Variants in NDUFS4 observed in about 807,000 individuals in gnomAD.
NDUFS4 encodes the protein NADH:ubiquinone oxidoreductase subunit S4, also known as NADH dehydrogenase [ubiquinone] iron-sulfur protein 4, mitochondrial.
A neutral mutation model predicts 24.3 loss-of-function variants in NDUFS4; 28 were observed. That is an observed-to-expected ratio of 1.15 (90% confidence interval 0.85 to 1.58). NDUFS4 has a LOEUF of 1.58. Among genes scored for constraint, NDUFS4 ranks in the 40% most tolerant of loss-of-function variants. NDUFS4 has a pLI of 0.00. For synonymous variants in NDUFS4, 93 were observed against 69.7 expected (o/e 1.34, Z -1.67); for missense variants, 223 against 207.9 (o/e 1.07, Z -0.45).
intron 4 of NDUFS4, among the ~76,000 whole-genome samples, chr5:53,674,956 C>T (rs917603582): frequency 9.9e-5 from 15 of 151,948 alleles, no homozygotes; most frequent in Non-Finnish European, 1.5e-4. Flanking sequence ...TTTACCTACA[C>T]GATATGAACT....
intron 3 of NDUFS4, among the ~76,000 whole-genome samples, chr5:53,654,183 T>TA (rs34522855): frequency 0.018 from 2,692 of 152,026 alleles, 35 homozygotes; most frequent in Middle Eastern, 0.034. Context: ...TACCAATAAT[T>TA]AAAAAAAATC....
chr5:53,638,031 G>A (rs901963969), intron 2 of NDUFS4, among the ~76,000 whole-genome samples: 9 of 152,034 alleles, frequency 5.9e-5, no homozygotes, highest in Non-Finnish European at 1.3e-4. Context: ...TGATGCAGTT[G>A]GCAAGGAAGT....
chr5:53,668,515 A>G (rs1375517150), intron 4 of NDUFS4, among the ~76,000 whole-genome samples: 1 of 151,738 alleles, frequency 6.6e-6, no homozygotes, highest in Admixed American at 6.6e-5. Context: ...CTGGAGTGCA[A>G]TGGCATGATC....
intron 2 of NDUFS4, among the ~76,000 whole-genome samples, chr5:53,640,966 C>A (rs1041132686): frequency 1.3e-5 from 2 of 152,018 alleles, no homozygotes; most frequent in African/African-American, 4.8e-5. Flanking sequence ...TTACAAACTT[C>A]CCTGAGAGCT....
intron 3 of NDUFS4, among the ~76,000 whole-genome samples, chr5:53,649,549 T>C (rs1424140677): frequency 6.6e-6 from 1 of 152,226 alleles, no homozygotes; most frequent in East Asian, 1.9e-4. Flanking sequence ...TTCTTTTTTA[T>C]TGCTGCGTAG....
At chr5:53,580,686 GTCCT>G (rs1561339859) in intron 1 of NDUFS4, among the ~76,000 whole-genome samples, 1 of 141,774 alleles carries the variant, frequency 7.1e-6, no homozygotes, top group East Asian at 2.0e-4. Context: ...TTTCTCTTTC[GTCCT>G]TCCTTTCCTT....
chr5:53,608,370 T>C (rs1394922089), intron 2 of NDUFS4, among the ~76,000 whole-genome samples: 1 of 152,162 alleles, frequency 6.6e-6, no homozygotes, highest in East Asian at 1.9e-4. Context: ...AAGACAACAG[T>C]GAACTCTGAC....
chr5:53,665,614 A>T (rs1436590967), intron 4 of NDUFS4, among the ~76,000 whole-genome samples: 1 of 152,140 alleles, frequency 6.6e-6, no homozygotes, highest in Non-Finnish European at 1.5e-5. Flanking sequence ...TGGGCATAGG[A>T]CCCTCCGAGC....
intron 4 of NDUFS4, among the ~76,000 whole-genome samples, chr5:53,661,922 T>C (rs1357095370): frequency 4.0e-5 from 6 of 151,476 alleles, no homozygotes; most frequent in South Asian, 2.1e-4. Context: ...TTTCTAGATA[T>C]ACAACCATGT....
chr5:53,614,202 A>G (rs1750779135), intron 2 of NDUFS4, among the ~76,000 whole-genome samples: 1 of 151,894 alleles, frequency 6.6e-6, no homozygotes, highest in Non-Finnish European at 1.5e-5. Flanking sequence ...ATTATTTTTC[A>G]AATGTAATTA....
In NDUFS4 at chr5:53,651,812, C is replaced by T. The variant is rs1308661872; in HGVS notation, c.350+5407C>T. Among the ~76,000 whole-genome samples the T allele has an allele frequency of 2.8e-5, 4 of 144,054 alleles. No homozygotes were observed. The East Asian group carries it at 6.0e-4, about 22-fold the overall frequency. 94.5% of individuals were successfully genotyped at this position (144,054 alleles called of 152,430 possible). ...TTTTTGAGATGGAGTCTCACTCTGT[C>T]GCTCAGGCTGGAGTGCAGTGGGCGA... On this transcript the variant is annotated intron_variant, in intron 3 of 4. Coordinates refer to ENST00000296684, the MANE Select transcript of NDUFS4 (RefSeq NM_002495.4).
At chr5:53,639,956 A>G (rs1179132943) in intron 2 of NDUFS4, among the ~76,000 whole-genome samples, 1 of 152,156 alleles carries the variant, frequency 6.6e-6, no homozygotes, top group Non-Finnish European at 1.5e-5. Context: ...CTATTATCAA[A>G]TATTTTTCTT....
rs1302204184 is a variant in NDUFS4, at chr5:53,603,316, T to C, written c.99-136T>C. 4 of 693,426 alleles carry C rather than the reference T, an allele frequency of 5.8e-6. No individual in the cohort carries two copies. The Admixed American group carries it at 8.2e-5, about 14-fold the overall frequency. 43.0% of individuals were successfully genotyped at this position (693,426 alleles called of 1,614,324 possible). ...GCAGAGAAAAAGGACTTTTGTGCCC[T>C]CTTCTCTTTCTTTCCTTTCCTTTTT... On this transcript the variant is annotated intron_variant, in intron 1 of 4. Transcript: ENST00000296684.
intron 2 of NDUFS4, among the ~76,000 whole-genome samples, chr5:53,618,276 A>AAAAT (rs139187306): frequency 6.6e-6 from 1 of 151,812 alleles, no homozygotes; most frequent in East Asian, 1.9e-4. Flanking sequence ...CCCTGTCTCC[A>AAAAT]AAATAAATAA....
intron 4 of NDUFS4, among the ~76,000 whole-genome samples, chr5:53,662,119 T>C (rs1752360499): frequency 6.6e-6 from 1 of 152,216 alleles, no homozygotes; most frequent in South Asian, 2.1e-4. Context: ...TTCAGTATGA[T>C]ATTGGCTGTG....
intron 1 of NDUFS4, among the ~76,000 whole-genome samples, 164 bp downstream of exon 1, chr5:53,560,924 T>C (rs769604768): frequency 1.3e-5 from 2 of 152,126 alleles, no homozygotes; most frequent in South Asian, 4.1e-4. Context: ...TCAATGGGCG[T>C]TGGCCAGGCG....
chr5:53,683,096 T>A lies in NDUFS4; in HGVS notation c.425-22T>A, dbSNP rs1207128575. The A allele has an allele frequency of 2.0e-6, 3 of 1,466,072 alleles. No homozygotes were observed. The highest frequency in any genetic ancestry group is 1.7e-5 in the Admixed American group (1 of 59,658). The allele number at this position is 1,466,072 out of a possible 1,614,324, so 90.8% of individuals were successfully genotyped here. A position where few individuals can be genotyped will look rare whatever the true frequency, so the allele number is the denominator to read the frequency against. On this transcript the variant is annotated intron_variant, in intron 4 of 4. Transcript: ENST00000296684. ...CTCTTTAATTCTGTTTCTGTGGATT[T>A]GTCTTTGTTTTTTCCTCCTAGGATG... is the stretch of plus-strand genomic sequence containing the variant.
chr5:53,620,106 A>AC, intron 2 of NDUFS4, among the ~76,000 whole-genome samples: 1 of 151,950 alleles, frequency 6.6e-6, no homozygotes, highest in Middle Eastern at 3.4e-3. Context: ...ACATCGCAAG[A>AC]CCCCATCTCA....
At chr5:53,630,720 T>C (rs1751387612) in intron 2 of NDUFS4, among the ~76,000 whole-genome samples, 1 of 152,188 alleles carries the variant, frequency 6.6e-6, no homozygotes, top group South Asian at 2.1e-4. Flanking sequence ...GCTGCATTTT[T>C]CAGCTCTATC....
Sources: allele counts gnomAD v4.1 joint callset (sites outside exome capture counted in the v4.1 genomes callset), GRCh38; gene constraint gnomAD v4.1.1; transcripts MANE v1.5; gene names NCBI Gene and HGNC (gene_info 2026-07-23, HGNC 2026-07-21).